TP53BP1: variants seen among roughly 807,000 people sequenced by gnomAD.
TP53BP1 encodes TP53-binding protein 1.
A neutral mutation model predicts 200.8 loss-of-function variants in TP53BP1; 61 were observed. The observed-to-expected ratio is 0.30, with a 90% CI of 0.25 to 0.38. TP53BP1 has a LOEUF of 0.38. Ranked by LOEUF, TP53BP1 falls within the 10% of genes least tolerant of loss-of-function variation. The pLI is 1.00. For synonymous variants in TP53BP1, 822 were observed against 844.3 expected (o/e 0.97, Z 0.46); for missense variants, 2,144 against 2,371.9 (o/e 0.90, Z 2.00).
At chr15:43,458,715 G>T (rs1413271512) in intron 11 of TP53BP1, among the ~76,000 whole-genome samples, 1 of 152,054 alleles carries the variant, frequency 6.6e-6, no homozygotes. Context: ...AGGAGTTCAA[G>T]GCTGCAGTGA....
chr15:43,432,859 T>C (rs959952761), intron 16 of TP53BP1, among the ~76,000 whole-genome samples, 182 bp from the exon 17 acceptor site: 1 of 152,016 alleles, frequency 6.6e-6, no homozygotes, highest in Non-Finnish European at 1.5e-5. Context: ...GGCCTCTCAT[T>C]ATAATTTCAC....
At chr15:43,437,659 TGA>T (rs1331072761) in intron 16 of TP53BP1, among the ~76,000 whole-genome samples, 2 of 152,142 alleles carry the variant, frequency 1.3e-5, no homozygotes, top group Non-Finnish European at 2.9e-5. Context: ...CATTTCAAAT[TGA>T]TACAACTGGC....
chr15:43,406,446 T>C lies in TP53BP1; in HGVS notation c.*937A>G, dbSNP rs1228560965. ...CAGGAGCTGGCAAACTATGGCCTGC[T>C]GTCTGTTTTTGTACAGTTTTACTGA... On this transcript the variant is annotated 3_prime_UTR_variant, in exon 28 of 28. Transcript: ENST00000382044. The C allele has an allele frequency of 5.7e-6, 2 of 352,236 alleles. No homozygotes were observed. Among genetic ancestry groups the C allele is most frequent in the South Asian group, 2.3e-5 (1 of 44,006 alleles). 21.8% of individuals were successfully genotyped at this position (352,236 alleles called of 1,614,324 possible). A position where few individuals can be genotyped will look rare whatever the true frequency, so the allele number is the denominator to read the frequency against.
chr15:43,429,039 C>T (rs2142996634), intron 17 of TP53BP1, among the ~76,000 whole-genome samples: 1 of 152,318 alleles, frequency 6.6e-6, no homozygotes, highest in South Asian at 2.1e-4. Flanking sequence ...TACAAAAATA[C>T]AACAAACTAA....
intron 21 of TP53BP1, among the ~76,000 whole-genome samples, chr15:43,419,972 T>A (rs545635236): frequency 1.3e-5 from 2 of 152,304 alleles, no homozygotes; most frequent in East Asian, 3.9e-4. Flanking sequence ...CAAGGTTGGA[T>A]TTTTAGTTTT....
At chr15:43,482,598 C>T (rs1206937366) in intron 4 of TP53BP1, among the ~76,000 whole-genome samples, 1 of 152,132 alleles carries the variant, frequency 6.6e-6, no homozygotes, top group Non-Finnish European at 1.5e-5. Flanking sequence ...GAAACCCTGT[C>T]TCTACTAAAA....
rs546515545 is a variant in TP53BP1, at chr15:43,427,910, T to C, written c.3828+106A>G. On this transcript the variant is annotated intron_variant, in intron 18 of 27. Coordinates refer to ENST00000382044, the MANE Select transcript of TP53BP1 (RefSeq NM_001141980.3). ...AGGCAGAGGCTGCAGTGAAACAAAATCACGCAACTGCATTCCAGCCTAGGT... is the reference window on the plus strand; with the variant it reads ...AGGCAGAGGCTGCAGTGAAACAAAACCACGCAACTGCATTCCAGCCTAGGT... 6.3e-6 allele frequency: 5 copies of C among 788,106 alleles called. No individual in the cohort carries two copies. In the South Asian group the frequency reaches 1.0e-4, roughly 16 times the overall value. The allele number at this position is 788,106 out of a possible 1,614,324, so 48.8% of individuals were successfully genotyped here.
chr15:43,454,589 C>T (rs1421970942), intron 12 of TP53BP1, among the ~76,000 whole-genome samples: 1 of 152,070 alleles, frequency 6.6e-6, no homozygotes, highest in African/African-American at 2.4e-5. Flanking sequence ...TCTCAAACTT[C>T]CGACCTCAGG....
chr15:43,447,827 T>C (rs1340759946), intron 12 of TP53BP1, among the ~76,000 whole-genome samples: 1 of 152,212 alleles, frequency 6.6e-6, no homozygotes, highest in Non-Finnish European at 1.5e-5. Flanking sequence ...TCAGGGGATA[T>C]TTAGCAATAC....
At chr15:43,474,817 G>A (rs767063119) in intron 9 of TP53BP1, 50 bp from the exon 10 acceptor site, 2 of 1,345,830 alleles carry the variant, frequency 1.5e-6, no homozygotes, top group Middle Eastern at 1.9e-4. Flanking sequence ...CCACAGTTTT[G>A]CATTTCTGTA....
chr15:43,459,272 G>A (rs2046373058), intron 11 of TP53BP1, among the ~76,000 whole-genome samples: 1 of 152,118 alleles, frequency 6.6e-6, no homozygotes, highest in Non-Finnish European at 1.5e-5. Context: ...AGGAGGCAGA[G>A]GTTGCAGTGA....
At chr15:43,443,264 T>C (rs2143003342) in intron 14 of TP53BP1, among the ~76,000 whole-genome samples, 1 of 152,206 alleles carries the variant, frequency 6.6e-6, no homozygotes, top group South Asian at 2.1e-4. Flanking sequence ...TAAAAACAAA[T>C]TAAAAATAAA....
intron 4 of TP53BP1, among the ~76,000 whole-genome samples, chr15:43,491,006 T>A (rs1411640743): frequency 1.3e-5 from 2 of 152,020 alleles, no homozygotes; most frequent in East Asian, 3.9e-4. Flanking sequence ...ACATTCTAGA[T>A]CTAAAACTGG....
chr15:43,419,417 T>G (rs2045341296), intron 21 of TP53BP1, among the ~76,000 whole-genome samples: 1 of 151,832 alleles, frequency 6.6e-6, no homozygotes, highest in African/African-American at 2.4e-5. Context: ...TGGAGTGCAG[T>G]GTCATGATCA....
intron 22 of TP53BP1, 99 bp downstream of exon 22, chr15:43,416,126 A>G (rs1055834996): frequency 8.6e-7 from 1 of 1,160,434 alleles, no homozygotes; most frequent in Non-Finnish European, 1.2e-6. Flanking sequence ...CATAGGAATA[A>G]TAAAAGTTAG....
intron 4 of TP53BP1, among the ~76,000 whole-genome samples, chr15:43,487,538 A>G (rs775244707): frequency 3.9e-5 from 6 of 152,150 alleles, no homozygotes; most frequent in Non-Finnish European, 7.3e-5. Context: ...CACACCTATA[A>G]TCTCAGCACT....
intron 4 of TP53BP1, 65 bp from the exon 5 acceptor site, chr15:43,481,087 C>G: frequency 1.3e-6 from 2 of 1,597,518 alleles, no homozygotes; most frequent in Non-Finnish European, 1.7e-6. Flanking sequence ...TCAGAGCACT[C>G]TGACCCCCAA....
upstream of TP53BP1, chr15:43,497,349 C>A (rs1217829059): frequency 2.3e-5 from 22 of 942,950 alleles, no homozygotes; most frequent in Non-Finnish European, 2.7e-5. Flanking sequence ...CACTGCACCC[C>A]AGCCTGGGCT....
chr15:43,458,908 G>A (rs1024238347), intron 11 of TP53BP1, among the ~76,000 whole-genome samples: 3 of 152,192 alleles, frequency 2.0e-5, no homozygotes, highest in African/African-American at 4.8e-5. Context: ...AAACAGTATG[G>A]CAGTATCTTA....
Sources: allele counts gnomAD v4.1 joint callset (sites outside exome capture counted in the v4.1 genomes callset), GRCh38; gene constraint gnomAD v4.1.1; transcripts MANE v1.5; gene names NCBI Gene and HGNC (gene_info 2026-07-23, HGNC 2026-07-21).